Variants in SPMAP2L observed in about 807,000 individuals in gnomAD.
The protein encoded by SPMAP2L is sperm microtubule associated protein 2 like.
the SPMAP2L span, among the ~76,000 whole-genome samples, chr4:56,596,173 G>T: frequency 6.6e-6 from 1 of 152,096 alleles, no homozygotes; most frequent in African/African-American, 2.4e-5. Flanking sequence ...TGCCTAATCT[G>T]TAATCACATT....
At chr4:56,621,612 C>T in the SPMAP2L span, among the ~76,000 whole-genome samples, 4 of 152,134 alleles carry the variant, frequency 2.6e-5, no homozygotes, top group Non-Finnish European at 5.9e-5. Flanking sequence ...TGAAGTGATG[C>T]TGATTGAACA....
chr4:56,595,517 G>C, the SPMAP2L span: 1 of 1,520,160 alleles, frequency 6.6e-7, no homozygotes, highest in Non-Finnish European at 9.1e-7. Context: ...TCCCTGACCT[G>C]CGTTATATCT....
the SPMAP2L span, among the ~76,000 whole-genome samples, chr4:56,607,915 C>G: frequency 6.6e-6 from 1 of 150,626 alleles, no homozygotes; most frequent in African/African-American, 2.4e-5. Context: ...ATTACTTGAG[C>G]CTGGGAAGTT....
At chr4:56,571,709 A>G in the SPMAP2L span, among the ~76,000 whole-genome samples, 3 of 152,296 alleles carry the variant, frequency 2.0e-5, no homozygotes, top group Admixed American at 1.3e-4. Flanking sequence ...TTATCTGGGC[A>G]TAGTGGCACA....
At chr4:56,595,093 A>G in the SPMAP2L span, 1 of 1,611,426 alleles carries the variant, frequency 6.2e-7, no homozygotes, top group Non-Finnish European at 8.5e-7. Context: ...CATCTTGCCC[A>G]TTTCCTGGGC....
chr4:56,622,746 C>G, the SPMAP2L span, among the ~76,000 whole-genome samples: 2 of 152,174 alleles, frequency 1.3e-5, no homozygotes, highest in Non-Finnish European at 2.9e-5. Context: ...CAAGAGCCAC[C>G]TACATCCTTC....
At chr4:56,609,168 G>A in the SPMAP2L span, among the ~76,000 whole-genome samples, 2 of 150,094 alleles carry the variant, frequency 1.3e-5, no homozygotes, top group African/African-American at 2.5e-5. Context: ...TCTGCCCCCC[G>A]AGTAGCTGGG....
At chr4:56,573,539 T>C in the SPMAP2L span, among the ~76,000 whole-genome samples, 3 of 152,288 alleles carry the variant, frequency 2.0e-5, no homozygotes, top group African/African-American at 7.2e-5. Flanking sequence ...AATCACCTTC[T>C]TCCCAACCAC....
the SPMAP2L span, chr4:56,530,856 A>G: frequency 2.1e-5 from 32 of 1,534,704 alleles, 1 homozygote; most frequent in Admixed American, 5.9e-4. Context: ...ATCCCGAGGA[A>G]CCCGAGGAGG....
chr4:56,561,955 C>G, the SPMAP2L span, among the ~76,000 whole-genome samples: 8 of 152,108 alleles, frequency 5.3e-5, no homozygotes, highest in Non-Finnish European at 1.5e-5. Flanking sequence ...AACTCTTGAC[C>G]TCAGGTGATC....
chr4:56,594,778 A>G, the SPMAP2L span: 1 of 1,520,154 alleles, frequency 6.6e-7, no homozygotes, highest in Admixed American at 1.7e-5. Flanking sequence ...GGGTGTTTGA[A>G]GAGAACATCA....
At chr4:56,591,236 C>CTCTG in the SPMAP2L span, among the ~76,000 whole-genome samples, 1 of 152,114 alleles carries the variant, frequency 6.6e-6, no homozygotes, top group South Asian at 2.1e-4. Context: ...TTCCCCTTTG[C>CTCTG]TCTGTCTCCT....
the SPMAP2L span, among the ~76,000 whole-genome samples, chr4:56,546,538 C>G: frequency 1.3e-5 from 2 of 152,282 alleles, no homozygotes; most frequent in Non-Finnish European, 2.9e-5. Context: ...ACCACTATAA[C>G]ACTGCTTTGC....
the SPMAP2L span, among the ~76,000 whole-genome samples, chr4:56,583,543 GA>G: frequency 3.3e-5 from 5 of 151,976 alleles, no homozygotes; most frequent in African/African-American, 7.3e-5. Flanking sequence ...ATTTATTTGA[GA>G]AAAAAAATTT....
chr4:56,613,192 G>C, the SPMAP2L span, among the ~76,000 whole-genome samples: 2 of 152,186 alleles, frequency 1.3e-5, no homozygotes, highest in African/African-American at 4.8e-5. Flanking sequence ...GAGGGAGCCT[G>C]AAGACACATA....
At chr4:56,559,761 G>T in the SPMAP2L span, among the ~76,000 whole-genome samples, 20,698 of 152,032 alleles carry the variant, frequency 0.14, 1,635 homozygotes, top group African/African-American at 0.19. Context: ...TAGAGACAGG[G>T]TTTCACTATG....
the SPMAP2L span, among the ~76,000 whole-genome samples, chr4:56,538,482 T>C: frequency 6.6e-6 from 1 of 152,172 alleles, no homozygotes; most frequent in African/African-American, 2.4e-5. Flanking sequence ...TCATGAGACT[T>C]TCTCTAAAAA....
the SPMAP2L span, among the ~76,000 whole-genome samples, chr4:56,550,017 AAAT>A: frequency 6.6e-6 from 1 of 152,240 alleles, no homozygotes; most frequent in Non-Finnish European, 1.5e-5. Flanking sequence ...GGTGAAAAGT[AAAT>A]AATACCAGAT....
the SPMAP2L span, chr4:56,595,196 A>G: frequency 6.2e-7 from 1 of 1,611,704 alleles, no homozygotes; most frequent in South Asian, 1.1e-5. Flanking sequence ...TTAGAAAAAC[A>G]CTACAGAATT....
Sources: allele counts gnomAD v4.1 joint callset (sites outside exome capture counted in the v4.1 genomes callset), GRCh38; gene constraint gnomAD v4.1.1; transcripts MANE v1.5; gene names NCBI Gene and HGNC (gene_info 2026-07-23, HGNC 2026-07-21).